Variants in TMEM150B observed in about 807,000 individuals in gnomAD.
The protein encoded by TMEM150B is modulator of macroautophagy TMEM150B.
Under a neutral mutation model 25.2 loss-of-function variants are expected in TMEM150B, and 33 were observed. The ratio of observed to expected loss-of-function variants is 1.31; its 90% CI spans 0.99 to 1.75. The LOEUF (loss-of-function observed/expected upper bound fraction) is 1.75. Among genes scored for constraint, TMEM150B ranks in the 40% most tolerant of loss-of-function variants. The pLI, the probability that TMEM150B is intolerant of heterozygous loss-of-function variation, is 0.00. For missense variants in TMEM150B, 322 were observed against 306.1 expected, an observed-to-expected ratio of 1.05 and a Z score of -0.39; for synonymous variants, 133 against 134.8, an observed-to-expected ratio of 0.99 and a Z score of 0.09.
downstream of TMEM150B, among the ~76,000 whole-genome samples, chr19:55,311,648 T>G (rs1213858693): frequency 6.6e-6 from 1 of 152,162 alleles, no homozygotes; most frequent in Non-Finnish European, 1.5e-5. Flanking sequence ...CAGGCCCCCT[T>G]GGACTAACCT....
At chr19:55,324,387 C>T (rs1053544376) in intron 1 of TMEM150B, among the ~76,000 whole-genome samples, 1 of 151,810 alleles carries the variant, frequency 6.6e-6, no homozygotes, top group African/African-American at 2.4e-5. Context: ...TGGTGGCTCA[C>T]GCCTGCAATC....
At position 55,323,254 on chromosome 19, in the gene TMEM150B, A is replaced by G. The variant is rs1314010627; in HGVS notation, c.-153-511T>C. On this transcript the variant is annotated intron_variant, in intron 1 of 7. Transcript: ENST00000326652. ...TGAGACTAGCCTGGCCAACATGGTG[A>G]AACCCCATCTCTACTAAAAATGCAA... Among the ~76,000 whole-genome samples, 3 of 152,224 alleles carry G rather than the reference A, an allele frequency of 2.0e-5. No individual in the cohort carries two copies. The East Asian group carries it at 5.9e-4, about 30-fold the overall frequency.
chr19:55,322,007 G>A (rs148394512), intron 2 of TMEM150B, among the ~76,000 whole-genome samples: 52 of 152,306 alleles, frequency 3.4e-4, no homozygotes, highest in Middle Eastern at 3.4e-3. Context: ...ATCTCCATCC[G>A]AAAATTCCCC....
At chr19:55,323,507 CT>C (rs952751873) in intron 1 of TMEM150B, among the ~76,000 whole-genome samples, 263 of 144,370 alleles carry the variant, frequency 1.8e-3, no homozygotes, top group Middle Eastern at 3.6e-3. Context: ...TCGCCTCTTT[CT>C]TTTTTTTTTT....
At chr19:55,310,146 C>T (rs2088751298), downstream of TMEM150B, among the ~76,000 whole-genome samples, 1 of 152,226 alleles carries the variant, frequency 6.6e-6, no homozygotes. The surrounding 1 kb of genome is among the most constrained non-coding windows in gnomAD (Gnocchi z 5.0). Context: ...CAACAAATGA[C>T]ACAGCCTTGG....
intron 1 of TMEM150B, among the ~76,000 whole-genome samples, chr19:55,324,468 T>C (rs1317298503): frequency 1.3e-5 from 2 of 151,930 alleles, no homozygotes; most frequent in African/African-American, 4.8e-5. Flanking sequence ...GCCAACATAG[T>C]GAAACCCCGT....
chr19:55,316,742 T>A (rs768188893), intron 7 of TMEM150B, 44 bp downstream of exon 7: 20 of 1,426,150 alleles, frequency 1.4e-5, no homozygotes, highest in Non-Finnish European at 1.7e-5. Flanking sequence ...CCAACTCCAG[T>A]GAAGAGCCAC....
intron 1 of TMEM150B, among the ~76,000 whole-genome samples, chr19:55,324,152 C>T (rs1243806319): frequency 4.6e-5 from 7 of 152,084 alleles, no homozygotes; most frequent in Middle Eastern, 6.8e-3. Flanking sequence ...TGAGATTCAT[C>T]CATGTTGTGG....
At position 55,312,932 on chromosome 19, in the gene TMEM150B, G is replaced by C; in HGVS notation, c.629C>G (p.Thr210Ser). The change falls in exon 8 of 8, where the codon ACC becomes AGC. Residue 210 changes from threonine (T) to serine (S), a missense_variant. Coordinates refer to ENST00000326652, the MANE Select transcript of TMEM150B (RefSeq NM_001282011.2). The part of the protein sequence containing the change: ...AVDFSALESC[T>S]LCVQPWPSLS... ...GCTGGGCCACGGCTGAACACACAGG[G>C]TGCAGCTCTCCAGGGCGGAGAAGTC... is the stretch of plus-strand genomic sequence containing the variant. 1 of 1,612,156 alleles carries C rather than the reference G, an allele frequency of 6.2e-7. No homozygotes were observed.
rs1162459182 is a variant in TMEM150B, at chr19:55,320,437, A to AG, written c.149dup (p.Gln51SerfsTer37). 16 of 1,587,798 alleles carry AG rather than the reference A, an allele frequency of 1.0e-5. No homozygotes were observed. The highest frequency in any genetic ancestry group is 2.3e-5 in the South Asian group (2 of 87,236). ...GCACCTGGCTGAAGATGCAGCTCTG[A>AG]GGGGGGAAGGATCCGCAGATGCTGG... On this transcript the variant is annotated frameshift_variant, in exon 5 of 8. Transcript: ENST00000326652. LOFTEE classifies it high-confidence loss of function.
At chr19:55,324,823 G>C (rs971500636) in intron 1 of TMEM150B, 1 of 985,222 alleles carries the variant, frequency 1.0e-6, no homozygotes, top group African/African-American at 1.7e-5. Flanking sequence ...CGTTTGCCCA[G>C]ACATGAATCT....
At chr19:55,312,678 C>T, downstream of TMEM150B, 1 of 662,624 alleles carries the variant, frequency 1.5e-6, no homozygotes, top group South Asian at 2.5e-5. Flanking sequence ...TGCTGGCTGC[C>T]ACCAGCTGTT....
chr19:55,319,954 A>G, intron 6 of TMEM150B, 85 bp downstream of exon 6: 3 of 1,591,318 alleles, frequency 1.9e-6, no homozygotes, highest in Non-Finnish European at 2.6e-6. Context: ...CCCCCGAGAC[A>G]ATAAGCCTAT....
At chr19:55,322,195 C>T (rs1404422008) in intron 2 of TMEM150B, among the ~76,000 whole-genome samples, 1 of 152,120 alleles carries the variant, frequency 6.6e-6, no homozygotes, top group Non-Finnish European at 1.5e-5. Context: ...GACCCAGGGT[C>T]AGACCTCTAG....
At chr19:55,315,678 A>G (rs12980928) in intron 7 of TMEM150B, among the ~76,000 whole-genome samples, 19,115 of 151,334 alleles carry the variant, frequency 0.13, 1,217 homozygotes, top group Middle Eastern at 0.23. Context: ...GGAGAATGGC[A>G]TGAACCTGGG....
At chr19:55,312,130 G>A, downstream of TMEM150B, 1 of 714,000 alleles carries the variant, frequency 1.4e-6, no homozygotes, top group Non-Finnish European at 2.2e-6. Context: ...CCCCAACTGT[G>A]AATCTGTAAA....
chr19:55,310,301 C>T (rs915198149), downstream of TMEM150B, among the ~76,000 whole-genome samples: 5 of 152,140 alleles, frequency 3.3e-5, no homozygotes, highest in African/African-American at 9.7e-5. This position sits in a 1 kb window ranked among gnomAD's most constrained non-coding sequence, Gnocchi z 5.0. Context: ...AGTTCCTAGG[C>T]GCTCTGGTTA....
downstream of TMEM150B, chr19:55,312,001 G>A: frequency 6.5e-7 from 1 of 1,532,476 alleles, no homozygotes; most frequent in Non-Finnish European, 8.8e-7. Flanking sequence ...GAGCTGAGCA[G>A]CTCTCCCCGC....
intron 1 of TMEM150B, chr19:55,324,688 T>C (rs1415238396): frequency 2.1e-6 from 2 of 967,348 alleles, no homozygotes; most frequent in African/African-American, 3.5e-5. Context: ...AAATAAAAAA[T>C]AAATCCTGTC....
Sources: allele counts gnomAD v4.1 joint callset (sites outside exome capture counted in the v4.1 genomes callset), GRCh38; gene constraint gnomAD v4.1.1; non-coding constraint Gnocchi (gnomAD v3.1); transcripts MANE v1.5; gene names NCBI Gene and HGNC (gene_info 2026-07-23, HGNC 2026-07-21).